Variants in CDH13 observed in about 807,000 individuals in gnomAD.
CDH13 encodes the protein cadherin 13.
CDH13 carries 24 observed loss-of-function variants against 63.8 expected under a neutral mutation model. The observed-to-expected ratio is 0.38, with a 90% CI of 0.27 to 0.53. The LOEUF (loss-of-function observed/expected upper bound fraction) is 0.53, where lower values mean the gene tolerates loss of function less well. CDH13 is among the 20% of genes least tolerant of loss of function. The probability of loss-of-function intolerance (pLI) is 0.85; values close to 1 mark genes in which losing one functional copy is unlikely to be tolerated. For synonymous variants in CDH13, 503 were observed against 355.3 expected (o/e 1.42, Z -4.67); for missense variants, 1,049 against 903.1 (o/e 1.16, Z -2.07).
chr16:83,772,017 C>G (rs1215800952), intron 11 of CDH13, among the ~76,000 whole-genome samples: 1 of 152,116 alleles, frequency 6.6e-6, no homozygotes, highest in Non-Finnish European at 1.5e-5. Flanking sequence ...GGTATTTTCC[C>G]CATGATATCA....
intron 2 of CDH13, among the ~76,000 whole-genome samples, chr16:82,915,927 T>C (rs898593209): frequency 2.0e-5 from 3 of 151,612 alleles, no homozygotes; most frequent in African/African-American, 7.3e-5. Flanking sequence ...GTCTGAATTA[T>C]AGCAGAACAT....
intron 7 of CDH13, among the ~76,000 whole-genome samples, chr16:83,492,788 G>A (rs1429234167): frequency 4.6e-5 from 7 of 152,154 alleles, no homozygotes; most frequent in Non-Finnish European, 1.5e-5. Context: ...TCTTTATCTT[G>A]TGGCCTCATT....
intron 5 of CDH13, among the ~76,000 whole-genome samples, chr16:83,255,534 G>T (rs562997885): frequency 6.6e-6 from 1 of 152,160 alleles, no homozygotes; most frequent in African/African-American, 2.4e-5. Flanking sequence ...TACGTGTCCC[G>T]CAGACTTGAT....
intron 3 of CDH13, among the ~76,000 whole-genome samples, chr16:83,120,572 T>C (rs1305544394): frequency 6.6e-6 from 1 of 152,186 alleles, no homozygotes; most frequent in Non-Finnish European, 1.5e-5. Flanking sequence ...AAAGTTTACG[T>C]CTTTTTAAAG....
chr16:83,369,225 A>G (rs2091316853), intron 6 of CDH13, among the ~76,000 whole-genome samples: 1 of 151,714 alleles, frequency 6.6e-6, no homozygotes, highest in Non-Finnish European at 1.5e-5. Flanking sequence ...AGATGCGGGG[A>G]AAAGGGAACA....
At chr16:82,862,653 G>A (rs1311603023) in intron 2 of CDH13, among the ~76,000 whole-genome samples, 1 of 152,184 alleles carries the variant, frequency 6.6e-6, no homozygotes, top group African/African-American at 2.4e-5. Context: ...AGAAATCACA[G>A]CATCTGAATT....
intron 6 of CDH13, among the ~76,000 whole-genome samples, chr16:83,355,661 T>G (rs2091037418): frequency 6.6e-6 from 1 of 152,210 alleles, no homozygotes; most frequent in Admixed American, 6.5e-5. Context: ...AGGTATGCTG[T>G]TTAATGAGGA....
chr16:83,361,735 A>G (rs1468388992), intron 6 of CDH13, among the ~76,000 whole-genome samples: 1 of 151,974 alleles, frequency 6.6e-6, no homozygotes, highest in Non-Finnish European at 1.5e-5. Context: ...GCAGATGCCT[A>G]TAGGTGTGCA....
At chr16:83,538,980 T>G (rs1357982469) in intron 7 of CDH13, among the ~76,000 whole-genome samples, 3 of 152,180 alleles carry the variant, frequency 2.0e-5, no homozygotes, top group Non-Finnish European at 4.4e-5. Context: ...AGTGGTCTAT[T>G]CTGAGGACTT....
chr16:83,785,022 A>G (rs1031633884), intron 13 of CDH13, among the ~76,000 whole-genome samples: 2 of 152,230 alleles, frequency 1.3e-5, no homozygotes, highest in African/African-American at 2.4e-5. Flanking sequence ...AAGCAGAGAC[A>G]ATTTCAGATG....
In CDH13 at chr16:83,335,945, C is replaced by T. The variant is rs569380666; in HGVS notation, c.637-8917C>T. On this transcript the variant is annotated intron_variant, in intron 5 of 13. Transcript: ENST00000567109. ...GAATAAACCCCTTCCTTCTTTAACT[C>T]GGTGTCTGAGGACTTTTGTCTGCGG... Among the ~76,000 whole-genome samples, 4 of 152,172 alleles carry T rather than the reference C, an allele frequency of 2.6e-5. No homozygotes were observed. The South Asian group carries it at 6.2e-4, about 24-fold the overall frequency.
chr16:83,249,244 T>G (rs77422300), intron 5 of CDH13, among the ~76,000 whole-genome samples: 6,509 of 152,266 alleles, frequency 0.043, 475 homozygotes, highest in African/African-American at 0.15. Context: ...AACCCAGTGG[T>G]TGGCACGCTT....
At chr16:82,693,617 T>G (rs1167958682) in intron 1 of CDH13, among the ~76,000 whole-genome samples, 1 of 152,236 alleles carries the variant, frequency 6.6e-6, no homozygotes, top group Non-Finnish European at 1.5e-5. Flanking sequence ...CATGCCAAGA[T>G]GCAGGACCAC....
intron 6 of CDH13, among the ~76,000 whole-genome samples, chr16:83,464,550 G>C (rs1305582207): frequency 6.6e-6 from 1 of 151,946 alleles, no homozygotes; most frequent in Non-Finnish European, 1.5e-5. Flanking sequence ...AGTAGAGATG[G>C]GATTTCACCA....
intron 2 of CDH13, among the ~76,000 whole-genome samples, chr16:82,923,630 C>T (rs1200161053): frequency 6.6e-6 from 1 of 152,124 alleles, no homozygotes; most frequent in Non-Finnish European, 1.5e-5. Flanking sequence ...GAGTCTGTTT[C>T]CTTGGATCCA....
intron 5 of CDH13, among the ~76,000 whole-genome samples, chr16:83,316,658 G>C (rs968275594): frequency 6.6e-6 from 1 of 152,214 alleles, no homozygotes; most frequent in African/African-American, 2.4e-5. Context: ...CTCATTATCT[G>C]ATGCAGTCTA....
chr16:83,063,769 T>TGTCA (rs1049901552), intron 3 of CDH13, among the ~76,000 whole-genome samples: 2 of 152,188 alleles, frequency 1.3e-5, no homozygotes, highest in African/African-American at 4.8e-5. Flanking sequence ...AAAATCAAGG[T>TGTCA]GTCAGCAGAA....
At chr16:82,916,545 G>C (rs2041996965) in intron 2 of CDH13, among the ~76,000 whole-genome samples, 2 of 151,748 alleles carry the variant, frequency 1.3e-5, no homozygotes, top group South Asian at 4.2e-4. Context: ...CAGCACTCCA[G>C]CCTGGGTGAC....
intron 5 of CDH13, among the ~76,000 whole-genome samples, chr16:83,250,170 T>A (rs1345880504): frequency 6.6e-6 from 1 of 152,162 alleles, no homozygotes; most frequent in Non-Finnish European, 1.5e-5. Context: ...TAGATTAGAT[T>A]TTGTTTATAA....
Sources: allele counts gnomAD v4.1 joint callset (sites outside exome capture counted in the v4.1 genomes callset), GRCh38; gene constraint gnomAD v4.1.1; transcripts MANE v1.5; gene names NCBI Gene and HGNC (gene_info 2026-07-23, HGNC 2026-07-21).